The following GALC variants were observed in gnomAD, a reference collection of about 807,000 sequenced individuals.
The protein encoded by GALC is galactosylceramidase.
Under a neutral mutation model 91.8 loss-of-function variants are expected in GALC, and 77 were observed. The ratio of observed to expected loss-of-function variants is 0.84; its 90% confidence interval spans 0.70 to 1.01. The LOEUF is 1.01. GALC is among the 50% of genes least tolerant of loss of function. The probability of loss-of-function intolerance (pLI) is 0.00; values close to 1 mark genes in which losing one functional copy is unlikely to be tolerated. For synonymous variants in GALC, 357 were observed against 306.7 expected (o/e 1.16, Z -1.71); for missense variants, 882 against 855.9 (o/e 1.03, Z -0.38).
In GALC at chr14:87,973,433, A is replaced by C. The variant is rs72629375; in HGVS notation, c.752+2925T>G. Among the ~76,000 whole-genome samples, 1,247 of 149,790 alleles carry C rather than the reference A, an allele frequency of 8.3e-3. 55 individuals are homozygous for C. The East Asian group carries it at 0.12, about 15-fold the overall frequency. ...AAAGTACAACTAATACAGCTACATG[A>C]AGTAGGACAAGAAGGAAAGAAGGTG... On this transcript the variant is annotated intron_variant, in intron 7 of 16. Coordinates refer to ENST00000261304, the MANE Select transcript of GALC (RefSeq NM_000153.4).
At chr14:87,940,145 A>G (rs558375606) in intron 15 of GALC, among the ~76,000 whole-genome samples, 164 bp from the exon 16 acceptor site, 17 of 152,012 alleles carry the variant, frequency 1.1e-4, no homozygotes, top group Middle Eastern at 3.4e-3. Flanking sequence ...TTAAGCCAAA[A>G]CATTTTTCAT....
rs1316153274 is a variant in GALC at position 87,982,187 on chromosome 14, T to C, written c.621+18A>G. ...CACTAAAAAGTTAAAAACAAAAAGA[T>C]ACTAAAGTTGTACACACCTTAATAT... On this transcript the variant is annotated intron_variant, in intron 6 of 16. Coordinates refer to ENST00000261304, the MANE Select transcript of GALC (RefSeq NM_000153.4). 2 of 1,408,994 alleles carry C rather than the reference T, an allele frequency of 1.4e-6. No homozygotes were observed. Among genetic ancestry groups the C allele is most frequent in the Non-Finnish European group, 1.0e-6 (1 of 1,001,296 alleles). 87.3% of individuals were successfully genotyped at this position (1,408,994 alleles called of 1,614,324 possible).
chr14:87,992,099 C>T (rs1887224255), intron 1 of GALC, among the ~76,000 whole-genome samples: 1 of 152,100 alleles, frequency 6.6e-6, no homozygotes, highest in African/African-American at 2.4e-5. Context: ...AAAAATTTCC[C>T]CTAGCAGAAG....
intron 10 of GALC, among the ~76,000 whole-genome samples, chr14:87,951,077 G>C (rs889094534): frequency 6.6e-6 from 1 of 151,630 alleles, no homozygotes; most frequent in African/African-American, 2.4e-5. Context: ...AAAAGCAAAA[G>C]TAAGGATGTT....
intron 6 of GALC, among the ~76,000 whole-genome samples, chr14:87,977,032 TGGGG>T (rs146514962): frequency 1.4e-4 from 13 of 95,880 alleles, no homozygotes; most frequent in South Asian, 3.6e-4. Flanking sequence ...CATAGAAATA[TGGGG>T]GGGGGGGGAT....
chr14:87,968,086 G>C (rs1463537649), intron 8 of GALC, among the ~76,000 whole-genome samples: 1 of 152,026 alleles, frequency 6.6e-6, no homozygotes, highest in East Asian at 1.9e-4. Flanking sequence ...AAAAATCAGA[G>C]AGCTGCATGT....
At position 87,984,480 on chromosome 14, in the gene GALC, C is replaced by T. The variant is rs1421752982; in HGVS notation, c.496G>A (p.Val166Ile). The change falls in exon 5 of 17, where the codon GTC (valine) becomes ATC (isoleucine). Residue 166 changes from valine to isoleucine, a missense_variant. Coordinates refer to ENST00000261304, the MANE Select transcript of GALC (RefSeq NM_000153.4). The part of the protein sequence containing the change: ...WLGKGFDWPY[V>I]NLQLTAYYVV... Reference sequence around the variant, plus strand: ...TAATAGGCAGTCAGCTGAAGATTGACATAAGGCCAGTCGAAACCTTTTCCC... The same window carrying T: ...TAATAGGCAGTCAGCTGAAGATTGATATAAGGCCAGTCGAAACCTTTTCCC... 3 of 1,614,002 alleles carry T rather than the reference C, an allele frequency of 1.9e-6. No individual in the cohort carries two copies. Among genetic ancestry groups the T allele is most frequent in the Non-Finnish European group, 2.5e-6 (3 of 1,180,028 alleles).
chr14:87,963,569 T>TG (rs1392706169), intron 9 of GALC, 58 bp from the exon 10 acceptor site: 64 of 1,474,620 alleles, frequency 4.3e-5, no homozygotes, highest in Non-Finnish European at 5.2e-5. Flanking sequence ...GTATTTCTTT[T>TG]GGGAAAAAAA....
chr14:87,978,367 A>T (rs1689546475), intron 6 of GALC, among the ~76,000 whole-genome samples: 2 of 152,282 alleles, frequency 1.3e-5, no homozygotes, highest in Admixed American at 6.5e-5. Context: ...TCTTACAGAG[A>T]AGAGGAAGAG....
intron 9 of GALC, 38 bp from the exon 10 acceptor site, chr14:87,963,549 G>A: frequency 6.4e-7 from 1 of 1,564,306 alleles, no homozygotes; most frequent in Admixed American, 1.7e-5. Flanking sequence ...AGACAAAAAT[G>A]GTAATAATAG....
intron 10 of GALC, chr14:87,954,933 C>A: frequency 6.6e-7 from 1 of 1,525,378 alleles, no homozygotes; most frequent in Admixed American, 1.7e-5. Flanking sequence ...ATGTTTACAT[C>A]CGTGTAGACT....
At chr14:87,946,257 A>G (rs939544163) in intron 13 of GALC, among the ~76,000 whole-genome samples, 1 of 152,076 alleles carries the variant, frequency 6.6e-6, no homozygotes, top group South Asian at 2.1e-4. Flanking sequence ...TTACTATATC[A>G]AGCATAAAAT....
At chr14:87,988,250 T>A (rs1328522841) in intron 2 of GALC, 43 bp from the exon 3 acceptor site, 1 of 1,559,950 alleles carries the variant, frequency 6.4e-7, no homozygotes. Flanking sequence ...TTGTATTGTA[T>A]GAAGCTTCAA....
At chr14:87,976,684 A>C in intron 6 of GALC, 196 bp from the exon 7 acceptor site, 3 of 494,612 alleles carry the variant, frequency 6.1e-6, no homozygotes, top group Non-Finnish European at 1.1e-5. Context: ...GCAGGATCTC[A>C]GCTCACTGCA....
At chr14:87,978,257 G>C (rs538424890) in intron 6 of GALC, among the ~76,000 whole-genome samples, 1 of 152,126 alleles carries the variant, frequency 6.6e-6, no homozygotes, top group Non-Finnish European at 1.5e-5. Flanking sequence ...CTCCATGTTG[G>C]TCAGGCTGAT....
At position 87,939,923 on chromosome 14, in the gene GALC, T is replaced by C. The variant is rs1157035657; in HGVS notation, c.1893A>G (p.Thr631=). The part of the protein sequence containing the change: ...RVEVTAKKWY[T]LTLTIKGHFT... ...TACTTACCTTAATAGTTAACGTGAG[T>C]GTATACCATTTTTTTGCTGTAACTT... is the stretch of plus-strand genomic sequence containing the variant. The change falls in exon 16 of 17, where the codon ACA becomes ACG. Residue 631 remains threonine, a synonymous_variant. Coordinates refer to ENST00000261304, the MANE Select transcript of GALC (RefSeq NM_000153.4). The C allele has an allele frequency of 1.9e-5, 31 of 1,609,526 alleles. No individual in the cohort carries two copies. The highest frequency in any genetic ancestry group is 2.6e-5 in the Non-Finnish European group (31 of 1,176,554).
intron 1 of GALC, chr14:87,992,614 G>A: frequency 6.9e-7 from 1 of 1,448,470 alleles, no homozygotes; most frequent in South Asian, 1.4e-5. Flanking sequence ...GACGCTCCCC[G>A]ACTGCCATCT....
At chr14:87,973,778 T>C (rs966261041) in intron 7 of GALC, among the ~76,000 whole-genome samples, 1 of 152,196 alleles carries the variant, frequency 6.6e-6, no homozygotes, top group African/African-American at 2.4e-5. Flanking sequence ...CTATCCTGTG[T>C]ACTAAAGGAT....
chr14:87,952,512 C>T, intron 10 of GALC: 1 of 678,328 alleles, frequency 1.5e-6, no homozygotes, highest in Non-Finnish European at 2.7e-6. Context: ...TGTTGAGAAC[C>T]ACCCAGCCTA....
Sources: allele counts gnomAD v4.1 joint callset (sites outside exome capture counted in the v4.1 genomes callset), GRCh38; gene constraint gnomAD v4.1.1; transcripts MANE v1.5; gene names NCBI Gene and HGNC (gene_info 2026-07-23, HGNC 2026-07-21).